Variants in FHIT observed in about 807,000 individuals in gnomAD.
FHIT encodes the protein bis(5'-adenosyl)-triphosphatase.
FHIT carries 19 observed loss-of-function variants against 17.9 expected under a neutral mutation model. The observed-to-expected ratio is 1.06, with a 90% confidence interval of 0.74 to 1.56. FHIT has a LOEUF of 1.56. FHIT is among the 40% of genes most tolerant of loss of function. The pLI, the probability that FHIT is intolerant of heterozygous loss-of-function variation, is 0.00. For missense variants in FHIT, 248 were observed against 189.2 expected (o/e 1.31, Z -1.82); for synonymous variants, 81 against 69.7 (o/e 1.16, Z -0.81).
chr3:61,221,650 G>C (rs114540991), intron 1 of FHIT, among the ~76,000 whole-genome samples: 3 of 152,316 alleles, frequency 2.0e-5, no homozygotes, highest in Non-Finnish European at 4.4e-5. Flanking sequence ...AACCCCTGCT[G>C]ACTGGAACAT....
chr3:60,759,454 A>T (rs1325124222), intron 4 of FHIT, among the ~76,000 whole-genome samples: 1 of 152,200 alleles, frequency 6.6e-6, no homozygotes, highest in Non-Finnish European at 1.5e-5. Flanking sequence ...TTTCGAAAAC[A>T]TCAGTATTTA....
chr3:60,335,642 T>C (rs1408576675), intron 5 of FHIT, among the ~76,000 whole-genome samples: 1 of 152,192 alleles, frequency 6.6e-6, no homozygotes, highest in African/African-American at 2.4e-5. Flanking sequence ...GTGTTAGATA[T>C]GTCCTGGATT....
intron 5 of FHIT, among the ~76,000 whole-genome samples, chr3:60,240,344 C>T (rs1231297132): frequency 6.6e-6 from 1 of 152,202 alleles, no homozygotes; most frequent in East Asian, 1.9e-4. Flanking sequence ...AGCTATTAAG[C>T]TACAGCTTGC....
intron 5 of FHIT, among the ~76,000 whole-genome samples, chr3:60,173,376 C>T: frequency 6.6e-6 from 1 of 152,110 alleles, no homozygotes; most frequent in Non-Finnish European, 1.5e-5. Flanking sequence ...GAGTCAGCCA[C>T]CCTGGTATGA....
chr3:59,928,057 G>A (rs1265346765), intron 7 of FHIT, among the ~76,000 whole-genome samples: 1 of 152,184 alleles, frequency 6.6e-6, no homozygotes, highest in Admixed American at 6.5e-5. Context: ...AGCAAGGAAG[G>A]CTGAAGAGCT....
chr3:60,454,742 G>A (rs894978428), intron 5 of FHIT, among the ~76,000 whole-genome samples: 7 of 152,046 alleles, frequency 4.6e-5, no homozygotes, highest in Non-Finnish European at 1.0e-4. Context: ...ACCATTTCTT[G>A]TGCACATCTG....
intron 3 of FHIT, among the ~76,000 whole-genome samples, chr3:60,936,067 A>G (rs1452994552): frequency 2.6e-5 from 4 of 152,200 alleles, no homozygotes; most frequent in African/African-American, 7.2e-5. Context: ...ATGAACATGA[A>G]AGTCAGTCAA....
intron 3 of FHIT, among the ~76,000 whole-genome samples, chr3:60,925,941 G>T (rs1707580736): frequency 6.6e-6 from 1 of 152,110 alleles, no homozygotes; most frequent in Non-Finnish European, 1.5e-5. Flanking sequence ...AACCAACAAA[G>T]ATCAAAAGAG....
chr3:61,089,022 G>A (rs2035393439), intron 2 of FHIT, among the ~76,000 whole-genome samples: 1 of 152,276 alleles, frequency 6.6e-6, no homozygotes, highest in East Asian at 1.9e-4. Context: ...ACTGACATCA[G>A]TATATATTCC....
intron 4 of FHIT, among the ~76,000 whole-genome samples, chr3:60,561,433 G>C (rs2036941570): frequency 6.6e-6 from 1 of 151,880 alleles, no homozygotes; most frequent in Non-Finnish European, 1.5e-5. Flanking sequence ...GATAGAATAA[G>C]AGCTAGTCAA....
At chr3:59,908,844 A>T (rs1432111190) in intron 8 of FHIT, among the ~76,000 whole-genome samples, 9 of 150,730 alleles carry the variant, frequency 6.0e-5, no homozygotes, top group African/African-American at 7.3e-5. Flanking sequence ...AGAACATTTC[A>T]TTTTTTAATA....
chr3:60,882,547 G>A (rs1441279051), intron 3 of FHIT, among the ~76,000 whole-genome samples: 2 of 152,148 alleles, frequency 1.3e-5, no homozygotes, highest in Non-Finnish European at 2.9e-5. Flanking sequence ...TCCCAGCGAT[G>A]CAAGGACGGT....
chr3:60,672,938 C>A (rs1421499255), intron 4 of FHIT, among the ~76,000 whole-genome samples: 1 of 142,474 alleles, frequency 7.0e-6, no homozygotes, highest in African/African-American at 2.5e-5. Context: ...CAATATGCAT[C>A]CTTATCTTAT....
At chr3:59,941,854 G>C (rs2107269839) in intron 7 of FHIT, among the ~76,000 whole-genome samples, 1 of 152,280 alleles carries the variant, frequency 6.6e-6, no homozygotes, top group South Asian at 2.1e-4. Context: ...AAGGTGATAA[G>C]GGCTGAGGAT....
In FHIT at chr3:60,927,674, C is replaced by T. The variant is rs186662596; in HGVS notation, c.-110-105663G>A. 5.8e-3 allele frequency among the ~76,000 whole-genome samples: 876 copies of T among 151,948 alleles called. 6 individuals are homozygous for T. The highest frequency in any genetic ancestry group is 0.02 in the African/African-American group (823 of 41,442). On this transcript the variant is annotated intron_variant, in intron 3 of 9. Coordinates refer to ENST00000492590, the MANE Select transcript of FHIT (RefSeq NM_002012.4). The stretch of plus-strand genomic sequence containing the variant: ...GAGGAGTGTCTCTGCCTGGCCGCCA[C>T]CCCGTCTGGGAGGTGGGGAGCACCC...
At chr3:60,185,148 T>A (rs540898355) in intron 5 of FHIT, among the ~76,000 whole-genome samples, 93 of 152,288 alleles carry the variant, frequency 6.1e-4, no homozygotes, top group Middle Eastern at 6.8e-3. Flanking sequence ...TATTTGTTGC[T>A]CCCACGGTTT....
chr3:60,690,034 T>A (rs2040949913), intron 4 of FHIT, among the ~76,000 whole-genome samples: 1 of 152,186 alleles, frequency 6.6e-6, no homozygotes, highest in South Asian at 2.1e-4. Context: ...TAGTTTTTAT[T>A]TCATAATCAT....
intron 5 of FHIT, among the ~76,000 whole-genome samples, chr3:60,093,959 G>A (rs1194740896): frequency 6.6e-6 from 1 of 152,108 alleles, no homozygotes; most frequent in African/African-American, 2.4e-5. Flanking sequence ...ATACAAGTGA[G>A]TGCCTCTCAT....
At chr3:60,040,335 G>A (rs1426615100) in intron 5 of FHIT, among the ~76,000 whole-genome samples, 3 of 151,970 alleles carry the variant, frequency 2.0e-5, no homozygotes, top group African/African-American at 4.8e-5. Flanking sequence ...TAGTAGAGAC[G>A]GGGTTTCACC....
Sources: gnomAD v4.1 joint callset for allele counts (sites outside exome capture counted in the v4.1 genomes callset) on GRCh38, gnomAD v4.1.1 for gene constraint, MANE v1.5 for transcripts, NCBI Gene and HGNC (gene_info 2026-07-23, HGNC 2026-07-21) for gene names.